The following ITIH5 variants were observed in gnomAD, a reference collection of about 807,000 sequenced individuals.
The protein encoded by ITIH5 is inter-alpha-trypsin inhibitor heavy chain H5.
A neutral mutation model predicts 77.5 loss-of-function variants in ITIH5; 65 were observed. The ratio of observed to expected loss-of-function variants is 0.84; its 90% CI spans 0.69 to 1.03. The LOEUF is 1.03. Among genes scored for constraint, ITIH5 ranks in the 50% least tolerant of loss-of-function variants. The probability of loss-of-function intolerance (pLI) is 0.00; values close to 1 mark genes in which losing one functional copy is unlikely to be tolerated. For synonymous variants in ITIH5, 525 were observed against 494.3 expected (o/e 1.06, Z -0.82); for missense variants, 1,208 against 1,213.1 (o/e 1.00, Z 0.06).
rs566917817 is a variant in ITIH5, at chr10:7,637,611, T to A, written c.402-133A>T. 7.0e-6 allele frequency: 6 copies of A among 859,232 alleles called. No individual in the cohort carries two copies. The South Asian group carries it at 1.0e-4, about 15-fold the overall frequency. The allele number at this position is 859,232 out of a possible 1,614,324, so 53.2% of individuals were successfully genotyped here. Reference sequence around the variant, plus strand: ...GGAGACCCATGGGTGTGAGTGTGGGTCCTGAGAAAGGAAAAATAAAAATTC... The same window carrying A: ...GGAGACCCATGGGTGTGAGTGTGGGACCTGAGAAAGGAAAAATAAAAATTC... On this transcript the variant is annotated intron_variant, in intron 4 of 13. Coordinates refer to ENST00000397146, the MANE Select transcript of ITIH5 (RefSeq NM_030569.7).
chr10:7,641,454 T>C (rs1450970956), intron 3 of ITIH5, among the ~76,000 whole-genome samples: 1 of 151,818 alleles, frequency 6.6e-6, no homozygotes, highest in Non-Finnish European at 1.5e-5. Context: ...TGCAGCACTG[T>C]GAGGCTGTCT....
intron 5 of ITIH5, among the ~76,000 whole-genome samples, chr10:7,629,902 G>A (rs1833685693): frequency 6.6e-6 from 1 of 152,130 alleles, no homozygotes; most frequent in Non-Finnish European, 1.5e-5. Context: ...ACCTAGAAGG[G>A]TTTAGAAAGA....
chr10:7,644,124 G>A (rs1041153546), intron 2 of ITIH5, among the ~76,000 whole-genome samples: 1 of 152,004 alleles, frequency 6.6e-6, no homozygotes, highest in African/African-American at 2.4e-5. Context: ...TGTAGTCCTG[G>A]CTACTCAGGT....
chr10:7,640,802 C>G lies in ITIH5; in HGVS notation c.353G>C (p.Ser118Thr), dbSNP rs920807566. The change falls in exon 4 of 14, where the codon AGT (serine) becomes ACT (threonine). Residue 118 changes from serine (S) to threonine (T), a missense_variant. Transcript: ENST00000397146. Reference sequence around the variant, plus strand: ...CCTTTTCTCTTTTACCCTATCACCACTCTTCTTTTCTCTCTCTGTAATTTC... The same window carrying G: ...CCTTTTCTCTTTTACCCTATCACCAGTCTTCTTTTCTCTCTCTGTAATTTC... ...QGEITEREKK[S>T]GDRVKEKRNK... is the part of the protein sequence containing the mutation. 1 of 1,613,252 alleles carries G rather than the reference C, an allele frequency of 6.2e-7. No individual in the cohort carries two copies. The highest frequency in any genetic ancestry group is 2.2e-5 in the East Asian group (1 of 44,886).
intron 7 of ITIH5, among the ~76,000 whole-genome samples, chr10:7,611,120 C>A (rs1833235747): frequency 6.6e-6 from 1 of 152,270 alleles, no homozygotes; most frequent in Non-Finnish European, 1.5e-5. Context: ...CACACTCTTA[C>A]TTGCACGGTA....
chr10:7,649,600 A>C (rs774978270), intron 2 of ITIH5, among the ~76,000 whole-genome samples: 1 of 152,220 alleles, frequency 6.6e-6, no homozygotes, highest in Non-Finnish European at 1.5e-5. Context: ...AAGAAAGATA[A>C]ATCAGTGAGG....
intron 7 of ITIH5, among the ~76,000 whole-genome samples, chr10:7,607,068 C>G (rs1273220487): frequency 6.6e-6 from 1 of 152,152 alleles, no homozygotes; most frequent in Non-Finnish European, 1.5e-5. Flanking sequence ...CAATGTTTTC[C>G]TGAAACATGC....
Position 7,666,908 on chromosome 10 carries a change from C to T in ITIH5, c.-16G>A, listed in dbSNP as rs757095777. On this transcript the variant is annotated 5_prime_UTR_variant, in exon 1 of 14. Transcript: ENST00000397146. Reference sequence around the variant, plus strand: ...GCAGGAGCATGGCGGGGCGAGGGCGCGGGACGCTCGGGGACCCGGCGGGAC... The same window carrying T: ...GCAGGAGCATGGCGGGGCGAGGGCGTGGGACGCTCGGGGACCCGGCGGGAC... The T allele has an allele frequency of 4.2e-5, 66 of 1,576,610 alleles. No individual in the cohort carries two copies. The highest frequency in any genetic ancestry group is 5.4e-5 in the Non-Finnish European group (63 of 1,164,048).
intron 7 of ITIH5, among the ~76,000 whole-genome samples, chr10:7,597,887 G>C (rs17142833): frequency 0.04 from 6,024 of 149,006 alleles, 154 homozygotes; most frequent in East Asian, 0.074. Flanking sequence ...TACTGTGACT[G>C]ACCCACCAAA....
intron 11 of ITIH5, chr10:7,570,544 T>G (rs1832276452): frequency 6.6e-6 from 1 of 152,254 alleles, no homozygotes; most frequent in African/African-American, 2.4e-5. Flanking sequence ...AGACAGAAGA[T>G]TTCTTGAGAA....
chr10:7,618,970 T>C (rs1833423197), intron 5 of ITIH5: 1 of 152,194 alleles, frequency 6.6e-6, no homozygotes, highest in Non-Finnish European at 1.5e-5. Context: ...TTGGAAGTGA[T>C]CAGAGAGCCA....
In ITIH5 at chr10:7,566,738, A is replaced by AG. The variant is rs1564232310; in HGVS notation, c.2150-332_2150-331insC. ...TCCTATCTCATTAAAAAAAAAAAAA[A>AG]AAAGAAGAAGAAGAAGAAGAAGAAG... On this transcript the variant is annotated intron_variant, in intron 12 of 13. Transcript: ENST00000397146. 1.5e-3 allele frequency among the ~76,000 whole-genome samples: 46 copies of AG among 31,038 alleles called. 6 individuals are homozygous for AG. The highest frequency in any genetic ancestry group is 4.7e-3 in the African/African-American group (40 of 8,600). The allele number at this position is 31,038 out of a possible 152,430, so 20.4% of individuals were successfully genotyped here.
At chr10:7,597,445 C>T (rs545406373) in intron 7 of ITIH5, among the ~76,000 whole-genome samples, 10 of 152,204 alleles carry the variant, frequency 6.6e-5, no homozygotes, top group Non-Finnish European at 1.5e-4. Flanking sequence ...AAACTTCTTG[C>T]CTAAGCCCAC....
intron 1 of ITIH5, among the ~76,000 whole-genome samples, chr10:7,666,239 C>T (rs1834358637): frequency 6.6e-6 from 1 of 152,048 alleles, no homozygotes; most frequent in African/African-American, 2.4e-5. Context: ...AACACAAATC[C>T]TGACAAACGC....
chr10:7,646,140 G>C (rs61834800), intron 2 of ITIH5, among the ~76,000 whole-genome samples: 31,236 of 152,118 alleles, frequency 0.21, 3,919 homozygotes, highest in Non-Finnish European at 0.29. Flanking sequence ...GAAGCATCTA[G>C]AATACCACTG....
chr10:7,625,773 A>AAAAAAGAAAG lies in ITIH5; in HGVS notation c.653-8492_653-8491insCTTTCTTTTT, dbSNP rs1554755460. Reference sequence around the variant, plus strand: ...GAGTGATATTCTGTCTCAAAAAAAAAAAAGAAAGAAAGAAAGAAAGAAAAA... The same window carrying AAAAAAGAAAG: ...GAGTGATATTCTGTCTCAAAAAAAAAAAAAAGAAAGAAAGAAAGAAAGAAAGAAAGAAAAA... On this transcript the variant is annotated intron_variant, in intron 5 of 13. Transcript: ENST00000397146. 4.5e-4 allele frequency among the ~76,000 whole-genome samples: 67 copies of AAAAAAGAAAG among 149,786 alleles called. No homozygotes were observed. In the East Asian group the frequency reaches 0.01, roughly 23 times the overall value.
chr10:7,609,559 G>A (rs1833199824), intron 7 of ITIH5: 3 of 438,770 alleles, frequency 6.8e-6, no homozygotes, highest in South Asian at 3.3e-5. Context: ...CCTCCTACTC[G>A]TTAATTCACG....
chr10:7,583,096 C>A (rs181998686), intron 8 of ITIH5, among the ~76,000 whole-genome samples: 61 of 151,806 alleles, frequency 4.0e-4, no homozygotes, highest in African/African-American at 1.4e-3. Flanking sequence ...CCTCATATAC[C>A]CCATAAACAC....
In ITIH5 at chr10:7,566,049, G is replaced by GGCA. The variant is rs755438376; in HGVS notation, c.2507_2508insTGC (p.Ser836_Asn837insAla). On this transcript the variant is annotated inframe_insertion, in exon 13 of 14. Coordinates refer to ENST00000397146, the MANE Select transcript of ITIH5 (RefSeq NM_030569.7). ...TCCTACCCAGCAGTCCGTGGCAGTT[G>GGCA]CTGGAAAGGCCCTCGCTGTTGGCAA... 7.4e-6 allele frequency: 12 copies of GGCA among 1,613,812 alleles called. No individual in the cohort carries two copies. The African/African-American group carries it at 1.5e-4, about 20-fold the overall frequency.
Sources: allele counts gnomAD v4.1 joint callset (sites outside exome capture counted in the v4.1 genomes callset), GRCh38; gene constraint gnomAD v4.1.1; transcripts MANE v1.5; gene names NCBI Gene and HGNC (gene_info 2026-07-23, HGNC 2026-07-21).